Variants in NLRP14 observed in about 807,000 individuals in gnomAD.
NLRP14 encodes the protein NACHT, LRR and PYD domains-containing protein 14.
Under a neutral mutation model 94.7 loss-of-function variants are expected in NLRP14, and 105 were observed. The observed-to-expected ratio is 1.11, with a 90% CI of 0.95 to 1.30. The LOEUF is 1.30. Among genes scored for constraint, NLRP14 ranks in the 50% most tolerant of loss-of-function variants. NLRP14 has a pLI of 0.00. For synonymous variants in NLRP14, 508 were observed against 459.9 expected (o/e 1.10, Z -1.34); for missense variants, 1,362 against 1,254.1 (o/e 1.09, Z -1.30).
At chr11:7,036,870 T>C (rs189187963) in intron 1 of NLRP14, among the ~76,000 whole-genome samples, 103 of 152,320 alleles carry the variant, frequency 6.8e-4, no homozygotes, top group Admixed American at 5.8e-3. Context: ...ATTTAAGTGC[T>C]AATGAGTAGG....
At chr11:7,026,996 T>C (rs1852025606) in intron 1 of NLRP14, among the ~76,000 whole-genome samples, 1 of 151,794 alleles carries the variant, frequency 6.6e-6, no homozygotes, top group Non-Finnish European at 1.5e-5. Flanking sequence ...CAAAGAGAAC[T>C]TCCATACCCT....
chr11:7,027,834 A>T (rs1408293677), intron 1 of NLRP14, among the ~76,000 whole-genome samples: 1 of 152,208 alleles, frequency 6.6e-6, no homozygotes, highest in African/African-American at 2.4e-5. Flanking sequence ...GGCACAATTG[A>T]TTTCAAGCAT....
chr11:7,088,397 G>A, the NLRP14 span, among the ~76,000 whole-genome samples: 14 of 152,128 alleles, frequency 9.2e-5, no homozygotes, highest in Non-Finnish European at 1.5e-4. Flanking sequence ...ATATTAACCA[G>A]TGCATAGAGA....
rs754567488 is a variant in NLRP14 at position 7,043,314 on chromosome 11, G to C, written c.1288G>C (p.Val430Leu). The change falls in exon 4 of 12, where the codon GTC becomes CTC. Residue 430 changes from valine to leucine, a missense_variant. Val to Leu is a conservative substitution (Grantham distance 32, BLOSUM62 1). Coordinates refer to ENST00000299481, the MANE Select transcript of NLRP14 (RefSeq NM_176822.4). Reference protein sequence around the residue: ...NQAQLRRLCQVAAKGIWTMTY... With the variant: ...NQAQLRRLCQLAAKGIWTMTY... ...AGCCCAGCTGAGAAGACTGTGCCAA[G>C]TCGCTGCCAAAGGAATATGGACTAT... 1 of 1,614,200 alleles carries C rather than the reference G, an allele frequency of 6.2e-7. No homozygotes were observed. The highest frequency in any genetic ancestry group is 1.7e-5 in the Admixed American group (1 of 60,030).
the NLRP14 span, among the ~76,000 whole-genome samples, chr11:7,086,533 C>T: frequency 6.6e-6 from 1 of 152,154 alleles, no homozygotes; most frequent in Non-Finnish European, 1.5e-5. Context: ...TGCTTAAAGG[C>T]AGAATTTATA....
In NLRP14 at chr11:7,071,411, A is replaced by T; in HGVS notation, c.*103A>T. 2 of 902,198 alleles carry T rather than the reference A, an allele frequency of 2.2e-6. No homozygotes were observed. Among genetic ancestry groups the T allele is most frequent in the Non-Finnish European group, 3.5e-6 (2 of 569,878 alleles). The allele number at this position is 902,198 out of a possible 1,614,324, so 55.9% of individuals were successfully genotyped here. ...TTAGCTTCAGATACTCTATGCCCAGAGATAGTGCACTTGGCAGCTGTCAGA... is the reference window on the plus strand; with the variant it reads ...TTAGCTTCAGATACTCTATGCCCAGTGATAGTGCACTTGGCAGCTGTCAGA... On this transcript the variant is annotated 3_prime_UTR_variant, in exon 12 of 12. Transcript: ENST00000299481.
At chr11:7,074,499 C>G (rs1465297346), downstream of NLRP14, among the ~76,000 whole-genome samples, 1 of 152,232 alleles carries the variant, frequency 6.6e-6, no homozygotes, top group Non-Finnish European at 1.5e-5. Flanking sequence ...GATTTCCAAG[C>G]TGCCCAAGGA....
At position 7,058,416 on chromosome 11, in the gene NLRP14, C is replaced by T. The variant is rs777121693; in HGVS notation, c.2599C>T (p.Leu867=). 2 of 1,612,536 alleles carry T rather than the reference C, an allele frequency of 1.2e-6. No homozygotes were observed. Among genetic ancestry groups the T allele is most frequent in the African/African-American group, 2.7e-5 (2 of 74,840 alleles). ...DGGVKLMSDA[L]QHAQCTLKSL... is the part of the protein sequence containing the mutation. ...TGGAGTAAAGCTTATGAGTGATGCC[C>T]TGCAACATGCACAATGTACTCTGAA... is the stretch of plus-strand genomic sequence containing the variant. Residue 867 remains leucine (L), a synonymous_variant, in exon 8 of 12, where the codon CTG becomes TTG. Transcript: ENST00000299481.
At chr11:7,074,440 CA>C (rs1268529300), downstream of NLRP14, among the ~76,000 whole-genome samples, 3 of 152,212 alleles carry the variant, frequency 2.0e-5, no homozygotes, top group Non-Finnish European at 2.9e-5. Flanking sequence ...ACCTCTTTCA[CA>C]TGATAGCCTT....
rs16921697 is a variant in NLRP14 at position 7,038,861 on chromosome 11, A to G, written c.275A>G (p.Lys92Arg). 69,137 of 1,613,208 alleles carry G rather than the reference A, an allele frequency of 0.043. 2,777 individuals carry two copies. The highest frequency in any genetic ancestry group is 0.21 in the East Asian group (9,271 of 44,848). Residue 92 changes from lysine (K) to arginine (R), a missense_variant, in exon 2 of 12, where the codon AAA becomes AGA. Lys to Arg is a conservative substitution (Grantham distance 26). Transcript: ENST00000299481. ...CTGAAGGATCTGTGTGAGAGAGCGA[A>G]AGAAGAGATCAACTGTGAGTGATGC... is the stretch of plus-strand genomic sequence containing the variant. ...MNLKDLCERA[K>R]EEINWSAQTI...
chr11:7,058,364 C>T lies in NLRP14; in HGVS notation c.2547C>T (p.Cys849=). 1 of 1,612,438 alleles carries T rather than the reference C, an allele frequency of 6.2e-7. No individual in the cohort carries two copies. The highest frequency in any genetic ancestry group is 1.3e-5 in the African/African-American group (1 of 74,932). The change falls in exon 8 of 12, where the codon TGC becomes TGT. Residue 849 remains cysteine, a synonymous_variant. Coordinates refer to ENST00000299481, the MANE Select transcript of NLRP14 (RefSeq NM_176822.4). ...GCAATAAAAGACTGACACATTTGTG[C>T]TTGGCAGACAATGTCTTGGGTGATG... ...LISNKRLTHL[C]LADNVLGDGG...
At chr11:7,040,953 T>G (rs921025632) in intron 3 of NLRP14, among the ~76,000 whole-genome samples, 2 of 152,190 alleles carry the variant, frequency 1.3e-5, no homozygotes, top group African/African-American at 4.8e-5. Flanking sequence ...TGCACACAGA[T>G]AGCTAATAAA....
intron 6 of NLRP14, among the ~76,000 whole-genome samples, chr11:7,053,292 T>A (rs1258968654): frequency 6.6e-6 from 1 of 151,844 alleles, no homozygotes; most frequent in African/African-American, 2.4e-5. Context: ...ATATTAGGAA[T>A]AACATAACCA....
the NLRP14 span, among the ~76,000 whole-genome samples, chr11:7,084,745 G>C: frequency 0.031 from 4,709 of 152,292 alleles, 136 homozygotes; most frequent in East Asian, 0.13. Flanking sequence ...GTGTTTTCCA[G>C]ATTTCTGTGA....
chr11:7,043,754 G>T lies in NLRP14; in HGVS notation c.1728G>T (p.Gln576His). Residue 576 changes from glutamine to histidine, a missense_variant, in exon 4 of 12, where the codon CAG becomes CAT. Transcript: ENST00000299481. ...VLGNSDYSPSQLGFLELFHCL... is the reference protein window; with the variant it reads ...VLGNSDYSPSHLGFLELFHCL... ...GAAACAGTGACTATTCTCCATCACA[G>T]CTGGGATTTCTGGAGTTGTTTCACT... The T allele has an allele frequency of 1.2e-6, 2 of 1,614,154 alleles. No homozygotes were observed. The highest frequency in any genetic ancestry group is 1.7e-6 in the Non-Finnish European group (2 of 1,179,988).
chr11:7,052,001 CTCTT>C (rs1264548875), intron 6 of NLRP14, among the ~76,000 whole-genome samples: 1 of 152,276 alleles, frequency 6.6e-6, no homozygotes, highest in East Asian at 1.9e-4. Flanking sequence ...AAGATCTATT[CTCTT>C]TGTCTTGATA....
intron 10 of NLRP14, among the ~76,000 whole-genome samples, chr11:7,064,135 A>G (rs1852669829): frequency 2.6e-5 from 4 of 152,132 alleles, no homozygotes; most frequent in African/African-American, 9.7e-5. Flanking sequence ...CCTCATTCTC[A>G]TACGTGGTAT....
the NLRP14 span, among the ~76,000 whole-genome samples, chr11:7,081,962 C>A: frequency 1.3e-5 from 2 of 152,090 alleles, no homozygotes; most frequent in Non-Finnish European, 2.9e-5. Context: ...TGAACAGCCC[C>A]CACCCTACAG....
chr11:7,054,775 T>A lies in NLRP14; in HGVS notation c.2292-2902T>A, dbSNP rs114347314. ...GGTTGTCTGTTCACCTTATTGGTTGTTTCTTTTGCTGTGCAGAAGCTTTTT... is the reference window on the plus strand; with the variant it reads ...GGTTGTCTGTTCACCTTATTGGTTGATTCTTTTGCTGTGCAGAAGCTTTTT... On this transcript the variant is annotated intron_variant, in intron 6 of 11. Transcript: ENST00000299481. 1.5e-3 allele frequency among the ~76,000 whole-genome samples: 230 copies of A among 152,296 alleles called. 2 individuals carry two copies. The highest frequency in any genetic ancestry group is 5.4e-3 in the African/African-American group (226 of 41,584).
Sources: allele counts gnomAD v4.1 joint callset (sites outside exome capture counted in the v4.1 genomes callset), GRCh38; gene constraint gnomAD v4.1.1; transcripts MANE v1.5; gene names NCBI Gene and HGNC (gene_info 2026-07-23, HGNC 2026-07-21).